SLC24A2: variants seen among roughly 807,000 people sequenced by gnomAD.
SLC24A2 encodes solute carrier family 24 member 2.
Under a neutral mutation model 62.0 loss-of-function variants are expected in SLC24A2, and 36 were observed. That is an observed-to-expected ratio of 0.58 (90% confidence interval 0.44 to 0.77). The LOEUF is 0.77. SLC24A2 is among the 30% of genes least tolerant of loss of function. The pLI is 0.00. For missense variants in SLC24A2, 846 were observed against 817.9 expected, an observed-to-expected ratio of 1.03 and a Z score of -0.42; for synonymous variants, 358 against 294.0, an observed-to-expected ratio of 1.22 and a Z score of -2.23.
In SLC24A2 at chr9:19,590,220, G is replaced by A. The variant is rs565978317; in HGVS notation, c.1129+7009C>T. On this transcript the variant is annotated intron_variant, in intron 5 of 10. Coordinates refer to ENST00000341998, the MANE Select transcript of SLC24A2 (RefSeq NM_020344.4). ...TTTCCTAACTACATGCTACATCCTC[G>A]TTCACTTTAGCAGAGCTTCCACGTC... Among the ~76,000 whole-genome samples the A allele has an allele frequency of 3.3e-5, 5 of 152,142 alleles. No homozygotes were observed. The South Asian group carries it at 6.2e-4, about 19-fold the overall frequency.
the SLC24A2 span, among the ~76,000 whole-genome samples, chr9:19,905,410 T>C: frequency 6.6e-6 from 1 of 151,924 alleles, no homozygotes; most frequent in African/African-American, 2.4e-5. Context: ...CCACCTCTTT[T>C]TTTTTTTTTT....
At chr9:20,267,461 C>A in the SLC24A2 span, among the ~76,000 whole-genome samples, 4 of 152,268 alleles carry the variant, frequency 2.6e-5, no homozygotes, top group Non-Finnish European at 5.9e-5. Context: ...GCCGCCACCA[C>A]CCCACAGCTA....
chr9:19,898,937 CA>C, the SLC24A2 span, among the ~76,000 whole-genome samples: 1 of 152,034 alleles, frequency 6.6e-6, no homozygotes, highest in Non-Finnish European at 1.5e-5. Flanking sequence ...AGCATATGAA[CA>C]GAAACAATAT....
the SLC24A2 span, among the ~76,000 whole-genome samples, chr9:20,175,414 G>C: frequency 6.6e-6 from 1 of 151,872 alleles, no homozygotes; most frequent in African/African-American, 2.4e-5. Flanking sequence ...AAAAGTTTGA[G>C]GTATAGAGAA....
chr9:20,219,156 G>A, the SLC24A2 span, among the ~76,000 whole-genome samples: 1 of 152,270 alleles, frequency 6.6e-6, no homozygotes, highest in African/African-American at 2.4e-5. Context: ...TCCCATTAGT[G>A]GATGGTTTCA....
intron 2 of SLC24A2, among the ~76,000 whole-genome samples, chr9:19,698,469 G>A (rs549394670): frequency 8.5e-4 from 130 of 152,184 alleles, no homozygotes; most frequent in African/African-American, 2.9e-3. Flanking sequence ...ATAAGGGACC[G>A]TCAATCTGTA....
the SLC24A2 span, among the ~76,000 whole-genome samples, chr9:19,979,010 G>A: frequency 6.6e-6 from 1 of 152,302 alleles, no homozygotes; most frequent in African/African-American, 2.4e-5. Context: ...GCATGTGTGT[G>A]CTCCGTCTTT....
At chr9:20,136,441 C>CA in the SLC24A2 span, among the ~76,000 whole-genome samples, 1 of 152,066 alleles carries the variant, frequency 6.6e-6, no homozygotes, top group Admixed American at 6.6e-5. Flanking sequence ...AAGGGCAACC[C>CA]AAAAAAATCA....
At chr9:20,024,740 C>T in the SLC24A2 span, among the ~76,000 whole-genome samples, 2 of 152,214 alleles carry the variant, frequency 1.3e-5, no homozygotes, top group South Asian at 4.1e-4. Context: ...ATTTTAGTTA[C>T]TACAAAGTCG....
At chr9:19,877,973 T>A in the SLC24A2 span, among the ~76,000 whole-genome samples, 14 of 152,176 alleles carry the variant, frequency 9.2e-5, 1 homozygote, top group Admixed American at 4.6e-4. Context: ...TGTGAATCTA[T>A]GAGGCTTGGG....
intron 2 of SLC24A2, among the ~76,000 whole-genome samples, chr9:19,769,115 C>T (rs563741770): frequency 9.2e-5 from 14 of 152,308 alleles, no homozygotes; most frequent in Non-Finnish European, 1.8e-4. Flanking sequence ...GAACTCCTCT[C>T]TTTTCTACTT....
intron 2 of SLC24A2, among the ~76,000 whole-genome samples, chr9:19,722,791 T>C (rs1821065778): frequency 6.6e-6 from 1 of 152,116 alleles, no homozygotes; most frequent in African/African-American, 2.4e-5. Flanking sequence ...CAAACAATCT[T>C]AGCACATATG....
In SLC24A2 at chr9:19,513,465, A is replaced by T. The variant is rs1336389306; in HGVS notation, c.*2688T>A. On this transcript the variant is annotated 3_prime_UTR_variant, in exon 11 of 11. Transcript: ENST00000341998. ...AGCAGTGCTGTTGTAGGTCAGGCTC[A>T]GTGCACATGACTGATGTGGGAACGG... 2 of 152,118 alleles carry T rather than the reference A, an allele frequency of 1.3e-5. No individual in the cohort carries two copies. Among genetic ancestry groups the T allele is most frequent in the African/African-American group, 4.8e-5 (2 of 41,414 alleles). 9.4% of individuals were successfully genotyped at this position (152,118 alleles called of 1,614,324 possible).
the SLC24A2 span, among the ~76,000 whole-genome samples, chr9:20,266,145 C>T: frequency 2.6e-5 from 4 of 152,186 alleles, no homozygotes; most frequent in African/African-American, 4.8e-5. Context: ...TTGTGATATT[C>T]TATTACCTTG....
the SLC24A2 span, among the ~76,000 whole-genome samples, chr9:19,998,921 C>T: frequency 1.3e-5 from 2 of 152,160 alleles, no homozygotes; most frequent in African/African-American, 2.4e-5. Flanking sequence ...CTAAAGCCAC[C>T]CACAGAAGAA....
At chr9:19,921,910 G>C in the SLC24A2 span, among the ~76,000 whole-genome samples, 1 of 152,132 alleles carries the variant, frequency 6.6e-6, no homozygotes, top group Non-Finnish European at 1.5e-5. Context: ...CCAAGAGAGG[G>C]GGAAAGGGTT....
At chr9:20,161,158 T>C in the SLC24A2 span, among the ~76,000 whole-genome samples, 2 of 151,438 alleles carry the variant, frequency 1.3e-5, no homozygotes, top group African/African-American at 4.8e-5. Flanking sequence ...TAAATTCTTA[T>C]GAAAATAAGC....
At chr9:20,239,208 A>G in the SLC24A2 span, among the ~76,000 whole-genome samples, 2 of 152,244 alleles carry the variant, frequency 1.3e-5, no homozygotes, top group Non-Finnish European at 2.9e-5. Flanking sequence ...CACAAAACAC[A>G]AAACATAGAG....
At chr9:19,595,837 C>G (rs1290953702) in intron 5 of SLC24A2, among the ~76,000 whole-genome samples, 1 of 152,132 alleles carries the variant, frequency 6.6e-6, no homozygotes, top group African/African-American at 2.4e-5. Context: ...TGGATGCTAA[C>G]AAACTCCCCC....
Sources: gnomAD v4.1 joint callset for allele counts (sites outside exome capture counted in the v4.1 genomes callset) on GRCh38, gnomAD v4.1.1 for gene constraint, MANE v1.5 for transcripts, NCBI Gene and HGNC (gene_info 2026-07-23, HGNC 2026-07-21) for gene names.